The following PKP1 variants were observed in gnomAD, a reference collection of about 807,000 sequenced individuals.
The protein encoded by PKP1 is plakophilin-1.
PKP1 carries 27 observed loss-of-function variants against 76.4 expected under a neutral mutation model. That is an observed-to-expected ratio of 0.35 (90% confidence interval 0.26 to 0.49). PKP1 has a LOEUF of 0.49. Ranked by LOEUF, PKP1 falls within the 20% of genes least tolerant of loss-of-function variation. The pLI is 0.99. For missense variants in PKP1, 964 were observed against 955.2 expected (o/e 1.01, Z -0.12); for synonymous variants, 404 against 384.2 (o/e 1.05, Z -0.60).
chr1:201,300,203 G>A (rs1619186), intron 2 of PKP1, among the ~76,000 whole-genome samples: 75,068 of 152,234 alleles, frequency 0.49, 22,463 homozygotes, highest in East Asian at 0.73. Flanking sequence ...GGGAGCGGGC[G>A]GGCCGGCTCC....
intron 5 of PKP1, 108 bp from the exon 6 acceptor site, chr1:201,318,510 G>C: frequency 1.1e-6 from 1 of 948,196 alleles, no homozygotes; most frequent in Admixed American, 1.8e-5. Flanking sequence ...CCTGGAAAGC[G>C]ACATTTCAGT....
At position 201,283,547 on chromosome 1, in the gene PKP1, A is replaced by G. The variant is rs1346594193; in HGVS notation, c.-156A>G. 11 of 706,964 alleles carry G rather than the reference A, an allele frequency of 1.6e-5. No individual in the cohort carries two copies. Among genetic ancestry groups the G allele is most frequent in the Non-Finnish European group, 2.5e-5 (10 of 399,754 alleles). The allele number at this position is 706,964 out of a possible 1,614,324, so 43.8% of individuals were successfully genotyped here. A position where few individuals can be genotyped will look rare whatever the true frequency, so the allele number is the denominator to read the frequency against. ...GAACCAGGGTGGAAGCGCCAGGAGCAGCTGCAGGGAGCCCTCACGCGGACC... is the reference window on the plus strand; with the variant it reads ...GAACCAGGGTGGAAGCGCCAGGAGCGGCTGCAGGGAGCCCTCACGCGGACC... On this transcript the variant is annotated 5_prime_UTR_variant, in exon 1 of 14. Transcript: ENST00000367324.
At chr1:201,289,141 T>C (rs1318043285) in intron 1 of PKP1, among the ~76,000 whole-genome samples, 2 of 152,186 alleles carry the variant, frequency 1.3e-5, no homozygotes, top group African/African-American at 4.8e-5. Context: ...CTCCAGGAGC[T>C]GGAACCATCC....
chr1:201,305,389 C>T (rs1377614994), intron 2 of PKP1, among the ~76,000 whole-genome samples: 1 of 152,192 alleles, frequency 6.6e-6, no homozygotes, highest in Non-Finnish European at 1.5e-5. Context: ...TGGTGGTGTG[C>T]ACCTGTGGTC....
intron 9 of PKP1, among the ~76,000 whole-genome samples, chr1:201,323,857 AG>A (rs774604621): frequency 5.3e-5 from 8 of 152,094 alleles, no homozygotes; most frequent in Non-Finnish European, 8.8e-5. Context: ...TGTTACACCC[AG>A]GATAGCTATG....
intron 2 of PKP1, among the ~76,000 whole-genome samples, chr1:201,299,477 A>G (rs1356635405): frequency 6.6e-6 from 1 of 152,166 alleles, no homozygotes; most frequent in African/African-American, 2.4e-5. Flanking sequence ...TTATGGAGCA[A>G]GGCAATTGGA....
In PKP1 at chr1:201,332,029, G is replaced by C. The variant is rs1045857835; in HGVS notation, c.*1988G>C. ...TGTCCTAAGCACTTAGACTACATCA[G>C]GGAAGAACACAGACCACATCCCTGT... is the stretch of plus-strand genomic sequence containing the variant. On this transcript the variant is annotated 3_prime_UTR_variant, in exon 14 of 14. Coordinates refer to ENST00000367324, the MANE Select transcript of PKP1 (RefSeq NM_001005337.3). The C allele has an allele frequency of 2.6e-5, 4 of 152,294 alleles. No individual in the cohort carries two copies. Among genetic ancestry groups the C allele is most frequent in the African/African-American group, 7.2e-5 (3 of 41,450 alleles). 9.4% of individuals were successfully genotyped at this position (152,294 alleles called of 1,614,324 possible).
chr1:201,289,417 G>C (rs1655835580), intron 1 of PKP1, among the ~76,000 whole-genome samples: 1 of 152,192 alleles, frequency 6.6e-6, no homozygotes, highest in Non-Finnish European at 1.5e-5. Context: ...AGAAGCATCG[G>C]CCTTAAGGGA....
Position 201,318,609 on chromosome 1 carries a change from G to A in PKP1, c.1055-9G>A. On this transcript the variant is annotated splice_polypyrimidine_tract_variant and intron_variant, in intron 5 of 13. Transcript: ENST00000367324. ...GGCACAAATTGGGTTGATGGTCTCT[G>A]ACCCCCAGGGCTGCTCTGGAACCTG... 6.2e-7 allele frequency: 1 copy of A among 1,611,956 alleles called. No homozygotes were observed. The highest frequency in any genetic ancestry group is 8.5e-7 in the Non-Finnish European group (1 of 1,179,780).
At chr1:201,309,602 C>T (rs868529700) in intron 2 of PKP1, among the ~76,000 whole-genome samples, 6 of 152,106 alleles carry the variant, frequency 3.9e-5, no homozygotes, top group African/African-American at 9.7e-5. Flanking sequence ...AACAGCCAGA[C>T]GCTGCCAGCA....
At chr1:201,299,769 C>G (rs1656172201) in intron 2 of PKP1, among the ~76,000 whole-genome samples, 1 of 152,224 alleles carries the variant, frequency 6.6e-6, no homozygotes, top group African/African-American at 2.4e-5. Flanking sequence ...GCTTCACAGA[C>G]AGGGAAACTG....
chr1:201,288,662 G>T (rs1212657567), intron 1 of PKP1, among the ~76,000 whole-genome samples: 1 of 152,072 alleles, frequency 6.6e-6, no homozygotes, highest in Non-Finnish European at 1.5e-5. Flanking sequence ...CACACTTAAT[G>T]TAGTAGTTGC....
chr1:201,307,705 C>T (rs73074613), intron 2 of PKP1, among the ~76,000 whole-genome samples: 2,730 of 152,296 alleles, frequency 0.018, 89 homozygotes, highest in African/African-American at 0.063. Flanking sequence ...TACATGAGAG[C>T]CCCTCATCTG....
rs1656854889 is a variant in PKP1, at chr1:201,318,947, G to C, written c.1232+152G>C. On this transcript the variant is annotated intron_variant, in intron 6 of 13. Transcript: ENST00000367324. ...GCAGGCTCCAAGACACAGGGACTCA[G>C]GCCTTCCTAACTTCCCTGGAACTGG... The C allele has an allele frequency of 8.2e-6, 6 of 733,946 alleles. No individual in the cohort carries two copies. In the South Asian group the frequency reaches 9.3e-5, roughly 11 times the overall value. 45.5% of individuals were successfully genotyped at this position (733,946 alleles called of 1,614,324 possible).
intron 6 of PKP1, 166 bp from the exon 7 acceptor site, chr1:201,320,101 T>C: frequency 1.4e-6 from 1 of 696,304 alleles, no homozygotes; most frequent in East Asian, 2.7e-5. Flanking sequence ...TCTCCTTCCT[T>C]CCTTCTACCA....
intron 2 of PKP1, among the ~76,000 whole-genome samples, chr1:201,299,632 C>A (rs1656167621): frequency 6.6e-6 from 1 of 152,174 alleles, no homozygotes; most frequent in Non-Finnish European, 1.5e-5. Flanking sequence ...TTGCTTCAAG[C>A]CTACAGATGG....
chr1:201,299,475 C>A (rs1283296848), intron 2 of PKP1, among the ~76,000 whole-genome samples: 3 of 152,136 alleles, frequency 2.0e-5, no homozygotes, highest in Non-Finnish European at 4.4e-5. Context: ...AATTATGGAG[C>A]AAGGCAATTG....
rs183228693 is a variant in PKP1 at position 201,302,869 on chromosome 1, G to A, written c.306+8824G>A. 1.1e-4 allele frequency among the ~76,000 whole-genome samples: 16 copies of A among 152,310 alleles called. No homozygotes were observed. The South Asian group carries it at 2.1e-3, about 20-fold the overall frequency. On this transcript the variant is annotated intron_variant, in intron 2 of 13. Coordinates refer to ENST00000367324, the MANE Select transcript of PKP1 (RefSeq NM_001005337.3). ...GTGAATCACAGGCTGCCGAACTGCC[G>A]AACTGCCTTCCTTCAGAAGAAGCCT...
At chr1:201,323,788 T>A (rs896729858) in intron 9 of PKP1, among the ~76,000 whole-genome samples, 3 of 152,092 alleles carry the variant, frequency 2.0e-5, no homozygotes, top group African/African-American at 7.2e-5. Context: ...GGCAGAGAAC[T>A]TCCCTGGCTG....
Sources: allele counts gnomAD v4.1 joint callset (sites outside exome capture counted in the v4.1 genomes callset), GRCh38; gene constraint gnomAD v4.1.1; transcripts MANE v1.5; gene names NCBI Gene and HGNC (gene_info 2026-07-23, HGNC 2026-07-21).